The following ADGRD1 variants were observed in gnomAD, a reference collection of about 807,000 sequenced individuals.
The protein encoded by ADGRD1 is G-protein coupled receptor 133.
In ADGRD1, 77 loss-of-function variants were observed where a neutral mutation model predicts 113.4. That is an observed-to-expected ratio of 0.68 (90% CI 0.57 to 0.82). The LOEUF is 0.82. Ranked by LOEUF, ADGRD1 falls within the 40% of genes least tolerant of loss-of-function variation. The probability of loss-of-function intolerance (pLI) is 0.00; values close to 1 mark genes in which losing one functional copy is unlikely to be tolerated. For synonymous variants in ADGRD1, 474 were observed against 475.0 expected (o/e 1.00, Z 0.03); for missense variants, 1,036 against 1,139.1 (o/e 0.91, Z 1.30).
chr12:131,061,123 C>T (rs2137085627), intron 13 of ADGRD1, among the ~76,000 whole-genome samples: 1 of 152,294 alleles, frequency 6.6e-6, no homozygotes, highest in African/African-American at 2.4e-5. Context: ...TATAATGAGG[C>T]TTATAACATC....
intron 6 of ADGRD1, chr12:130,988,303 C>T (rs1003302149): frequency 2.0e-5 from 3 of 151,610 alleles, no homozygotes; most frequent in African/African-American, 7.2e-5. Context: ...AGTGAATGCA[C>T]CATTTTTTCC....
chr12:131,046,404 T>TCCTCCCTGGTCAGCGCTC (rs1200599392), intron 13 of ADGRD1, among the ~76,000 whole-genome samples: 1 of 108,746 alleles, frequency 9.2e-6, no homozygotes, highest in South Asian at 3.4e-4. Context: ...CTGGTCAGGG[T>TCCTCCCTGGTCAGCGCTC]CCTCCCTGGT....
At chr12:131,116,105 C>A (rs889186984) in intron 18 of ADGRD1, among the ~76,000 whole-genome samples, 2 of 152,232 alleles carry the variant, frequency 1.3e-5, no homozygotes, top group South Asian at 4.1e-4. Context: ...CGCACTCACC[C>A]AGACTTCATA....
intron 20 of ADGRD1, among the ~76,000 whole-genome samples, chr12:131,131,273 G>A (rs1011671669): frequency 6.6e-6 from 1 of 152,210 alleles, no homozygotes; most frequent in Admixed American, 6.5e-5. Flanking sequence ...CACAGCCGCA[G>A]GCCTGGGCCG....
chr12:131,099,066 T>G (rs2137293786), intron 15 of ADGRD1, among the ~76,000 whole-genome samples: 1 of 152,362 alleles, frequency 6.6e-6, no homozygotes, highest in East Asian at 1.9e-4. Flanking sequence ...ACCACTCTTC[T>G]GTGATTCTCC....
chr12:131,105,947 T>G lies in ADGRD1; in HGVS notation c.1887+82T>G, dbSNP rs373454152. On this transcript the variant is annotated intron_variant, in intron 17 of 24. Transcript: ENST00000261654. ...CACCGGGTGGCACCTTCTGCTAGCT[T>G]TTTCAACTCAAATTTCAGAACCCAT... 4.3e-5 allele frequency: 42 copies of G among 982,336 alleles called. No individual in the cohort carries two copies. In the East Asian group the frequency reaches 4.4e-4, roughly 10 times the overall value. 60.9% of individuals were successfully genotyped at this position (982,336 alleles called of 1,614,324 possible).
intron 15 of ADGRD1, among the ~76,000 whole-genome samples, chr12:131,095,033 C>A (rs1887188414): frequency 6.6e-6 from 1 of 152,068 alleles, no homozygotes; most frequent in Non-Finnish European, 1.5e-5. Context: ...CTCCCCTGTA[C>A]CCTGTGGCCT....
Position 131,138,327 on chromosome 12 carries a change from C to G in ADGRD1, c.2529+98C>G. 9 of 979,044 alleles carry G rather than the reference C, an allele frequency of 9.2e-6. No homozygotes were observed. The South Asian group carries it at 1.2e-4, about 14-fold the overall frequency. 60.6% of individuals were successfully genotyped at this position (979,044 alleles called of 1,614,324 possible). A position where few individuals can be genotyped will look rare whatever the true frequency, so the allele number is the denominator to read the frequency against. The stretch of plus-strand genomic sequence containing the variant: ...GGTGTGCAGGCAGCAGAGGTGGCTT[C>G]GGGTGCCCAGCAGTCTTTGTCCCCC... On this transcript the variant is annotated intron_variant, in intron 24 of 24. Transcript: ENST00000261654.
Position 131,057,680 on chromosome 12 carries a change from A to T in ADGRD1, c.1474-19121A>T, listed in dbSNP as rs764468999. Among the ~76,000 whole-genome samples, 3 of 152,184 alleles carry T rather than the reference A, an allele frequency of 2.0e-5. No individual in the cohort carries two copies. Among genetic ancestry groups the T allele is most frequent in the Non-Finnish European group, 4.4e-5 (3 of 68,030 alleles). ...TGGGACTGAGGGCTCGTCCCCATCT[A>T]GCACAGTCTCATCTTCAACGTTACA... On this transcript the variant is annotated intron_variant, in intron 13 of 24. Coordinates refer to ENST00000261654, the MANE Select transcript of ADGRD1 (RefSeq NM_198827.5). This position sits in a 1 kb window ranked among gnomAD's most constrained non-coding sequence, Gnocchi z 4.2.
rs150331265 is a variant in ADGRD1 at position 131,057,311 on chromosome 12, C to T, written c.1474-19490C>T. 6.6e-5 allele frequency among the ~76,000 whole-genome samples: 10 copies of T among 152,236 alleles called. No individual in the cohort carries two copies. Among genetic ancestry groups the T allele is most frequent in the Admixed American group, 1.3e-4 (2 of 15,292 alleles). ...TGGTTCCTAATGTGTTGAGACACGC[C>T]GCGGACCAGAGAATGCTTGGAAGGG... On this transcript the variant is annotated intron_variant, in intron 13 of 24. Coordinates refer to ENST00000261654, the MANE Select transcript of ADGRD1 (RefSeq NM_198827.5). This position sits in a 1 kb window ranked among gnomAD's most constrained non-coding sequence, Gnocchi z 4.2.
At chr12:131,055,048 AT>A (rs1368223687) in intron 13 of ADGRD1, among the ~76,000 whole-genome samples, 2 of 152,164 alleles carry the variant, frequency 1.3e-5, no homozygotes, top group African/African-American at 4.8e-5. Context: ...TGGAAATTTT[AT>A]TTAAGTTTTG....
chr12:131,114,842 A>C (rs545639277), intron 18 of ADGRD1, among the ~76,000 whole-genome samples: 1 of 152,196 alleles, frequency 6.6e-6, no homozygotes, highest in Admixed American at 6.5e-5. Context: ...AGGAGCCCAC[A>C]AGGTAGCCAG....
At chr12:131,005,349 A>T (rs1244152431) in intron 11 of ADGRD1, among the ~76,000 whole-genome samples, 1 of 152,204 alleles carries the variant, frequency 6.6e-6, no homozygotes, top group East Asian at 1.9e-4. Context: ...ATCTGCTGGG[A>T]GTGCCCTGAT....
At chr12:131,037,459 T>G (rs1397132503) in intron 13 of ADGRD1, among the ~76,000 whole-genome samples, 2 of 143,410 alleles carry the variant, frequency 1.4e-5, no homozygotes, top group Admixed American at 6.9e-5. Flanking sequence ...GCATGGGGCC[T>G]CACTCACTGC....
intron 3 of ADGRD1, chr12:130,970,983 T>C (rs1289443888): frequency 2.6e-5 from 4 of 152,592 alleles, no homozygotes; most frequent in Non-Finnish European, 5.9e-5. Context: ...ACACTTGCAC[T>C]GAAACGTTCC....
At chr12:131,018,978 G>A (rs1420276028) in intron 13 of ADGRD1, among the ~76,000 whole-genome samples, 2 of 152,210 alleles carry the variant, frequency 1.3e-5, no homozygotes, top group Non-Finnish European at 1.5e-5. Flanking sequence ...CAGCAAGGCC[G>A]GGGCACAGAC....
At chr12:130,961,069 A>G (rs1195761) in intron 2 of ADGRD1, among the ~76,000 whole-genome samples, 148,768 of 152,334 alleles carry the variant, frequency 0.98, 72,734 homozygotes, top group Middle Eastern at 1. Context: ...CCTCTGTGTG[A>G]TATAGATTCC....
At chr12:131,006,802 G>A (rs1877185084) in intron 12 of ADGRD1, among the ~76,000 whole-genome samples, 1 of 152,160 alleles carries the variant, frequency 6.6e-6, no homozygotes, top group Admixed American at 6.5e-5. Flanking sequence ...GATTTCTTGG[G>A]GAAAGCCTGC....
intron 20 of ADGRD1, among the ~76,000 whole-genome samples, chr12:131,128,698 G>T (rs1950809053): frequency 6.6e-6 from 1 of 152,162 alleles, no homozygotes; most frequent in Non-Finnish European, 1.5e-5. Flanking sequence ...GGGGTTTTGT[G>T]CAGATAGGGG....
Sources: gnomAD v4.1 joint callset for allele counts (sites outside exome capture counted in the v4.1 genomes callset) on GRCh38, gnomAD v4.1.1 for gene constraint, Gnocchi (gnomAD v3.1) non-coding constraint, MANE v1.5 for transcripts, NCBI Gene and HGNC (gene_info 2026-07-23, HGNC 2026-07-21) for gene names.